Variants in SORT1 observed in about 807,000 individuals in gnomAD.
The protein encoded by SORT1 is sortilin.
In SORT1, 39 loss-of-function variants were observed where a neutral mutation model predicts 101.7. That is an observed-to-expected ratio of 0.38 (90% CI 0.30 to 0.50). The LOEUF (loss-of-function observed/expected upper bound fraction) is 0.50, where lower values mean the gene tolerates loss of function less well. Ranked by LOEUF, SORT1 falls within the 20% of genes least tolerant of loss-of-function variation. SORT1 has a pLI of 0.90. For synonymous variants in SORT1, 396 were observed against 393.7 expected (o/e 1.01, Z -0.07); for missense variants, 878 against 1,040.4 (o/e 0.84, Z 2.15).
At chr1:109,345,705 T>G in intron 8 of SORT1, 46 bp downstream of exon 8, 1 of 1,547,418 alleles carries the variant, frequency 6.5e-7, no homozygotes, top group Non-Finnish European at 8.8e-7. Flanking sequence ...ATACGAGAGA[T>G]ATTTGCAGAA....
rs563712770 is a variant in SORT1, at chr1:109,315,423, C to T, written c.2251-645G>A. Among the ~76,000 whole-genome samples the T allele has an allele frequency of 1.1e-4, 16 of 152,172 alleles. No homozygotes were observed. In the South Asian group the frequency reaches 2.9e-3, roughly 28 times the overall value. ...CTGTGCAATCACACACACGAACACT[C>T]TGAGGAGAGTCACCAGGAGCCCAGG... On this transcript the variant is annotated intron_variant, in intron 17 of 19. Coordinates refer to ENST00000256637, the MANE Select transcript of SORT1 (RefSeq NM_002959.7).
chr1:109,348,407 A>C (rs1236743987), intron 6 of SORT1, among the ~76,000 whole-genome samples: 1 of 152,114 alleles, frequency 6.6e-6, no homozygotes, highest in East Asian at 1.9e-4. Context: ...AAAAAAAAAA[A>C]CATGTTACAA....
intron 3 of SORT1, among the ~76,000 whole-genome samples, chr1:109,361,646 A>G (rs570846281): frequency 6.6e-6 from 1 of 152,366 alleles, no homozygotes; most frequent in African/African-American, 2.4e-5. Flanking sequence ...AACAAGGATG[A>G]TGGTAAACTC....
At chr1:109,344,351 G>A (rs1208627495) in intron 8 of SORT1, among the ~76,000 whole-genome samples, 1 of 152,190 alleles carries the variant, frequency 6.6e-6, no homozygotes, top group Non-Finnish European at 1.5e-5. Context: ...AACACAAGAA[G>A]AGTAAGGCCC....
chr1:109,338,906 C>G (rs995485103), intron 10 of SORT1, among the ~76,000 whole-genome samples: 1 of 151,304 alleles, frequency 6.6e-6, no homozygotes, highest in Non-Finnish European at 1.5e-5. Context: ...GAGATGCAGT[C>G]TCACTCTGTT....
At chr1:109,390,798 T>TGTGTGTGTGTGTGC (rs749556914) in intron 1 of SORT1, among the ~76,000 whole-genome samples, 19 of 144,864 alleles carry the variant, frequency 1.3e-4, no homozygotes, top group African/African-American at 4.7e-4. Context: ...TGTGTGTGTG[T>TGTGTGTGTGTGTGC]GCGCGCGCGC....
chr1:109,349,649 G>A lies in SORT1; in HGVS notation c.782+1280C>T, dbSNP rs1339385285. On this transcript the variant is annotated intron_variant, in intron 6 of 19. Coordinates refer to ENST00000256637, the MANE Select transcript of SORT1 (RefSeq NM_002959.7). ...TAGCTAGGCATGGTGGCACATGCCTGTAGTCCCAGCTACTTGGGAGGCTGA... is the reference window on the plus strand; with the variant it reads ...TAGCTAGGCATGGTGGCACATGCCTATAGTCCCAGCTACTTGGGAGGCTGA... Among the ~76,000 whole-genome samples the A allele has an allele frequency of 2.6e-5, 4 of 152,098 alleles. 1 individual carries two copies. Among genetic ancestry groups the A allele is most frequent in the East Asian group, 3.9e-4 (2 of 5,176 alleles).
At chr1:109,365,013 A>G (rs1318035544) in intron 3 of SORT1, among the ~76,000 whole-genome samples, 1 of 152,190 alleles carries the variant, frequency 6.6e-6, no homozygotes. Flanking sequence ...GCTTGGCAAC[A>G]TTTTGCTATT....
chr1:109,397,629 C>A lies in SORT1; in HGVS notation c.264G>T (p.Arg88=). The A allele has an allele frequency of 7.8e-7, 1 of 1,278,528 alleles. No homozygotes were observed. The highest frequency in any genetic ancestry group is 4.5e-5 in the East Asian group (1 of 22,106). The allele number at this position is 1,278,528 out of a possible 1,614,324, so 79.2% of individuals were successfully genotyped here. ...CCAGCTTGGCGACGAAGTCCCGGAC[C>A]CGGCCGCACTCCTCGTCCTCGCCCG... ...SAPGEDEECG[R]VRDFVAKLAN... is the part of the protein sequence containing the mutation. The change falls in exon 1 of 20, where the codon CGG becomes CGT. Residue 88 remains arginine (R), a synonymous_variant. Transcript: ENST00000256637.
chr1:109,342,214 G>A, intron 8 of SORT1, 56 bp from the exon 9 acceptor site: 1 of 1,348,118 alleles, frequency 7.4e-7, no homozygotes, highest in East Asian at 2.3e-5. Flanking sequence ...GCCATGGGCA[G>A]GGACATGAAC....
chr1:109,375,353 G>A (rs1010417855), intron 1 of SORT1, among the ~76,000 whole-genome samples: 2 of 151,940 alleles, frequency 1.3e-5, no homozygotes, highest in Non-Finnish European at 2.9e-5. Flanking sequence ...ACGAGGTCAG[G>A]AGATCAAGAC....
At chr1:109,387,037 TC>T (rs1489623641) in intron 1 of SORT1, among the ~76,000 whole-genome samples, 1 of 152,230 alleles carries the variant, frequency 6.6e-6, no homozygotes, top group African/African-American at 2.4e-5. Context: ...ATGCCTGTAA[TC>T]CCAGCACTTT....
At position 109,397,521 on chromosome 1, in the gene SORT1, G is replaced by A. The variant is rs1331966059; in HGVS notation, c.306+66C>T. 1.9e-5 allele frequency: 19 copies of A among 1,016,504 alleles called. No individual in the cohort carries two copies. In the South Asian group the frequency reaches 6.5e-4, roughly 35 times the overall value. The allele number at this position is 1,016,504 out of a possible 1,614,324, so 63.0% of individuals were successfully genotyped here. ...CTCCTCCGGGAGTCGCGGGGCGCAC[G>A]GGCCGGGAGGGGCACGCGGGCGGCA... is the stretch of plus-strand genomic sequence containing the variant. On this transcript the variant is annotated intron_variant, in intron 1 of 19. Coordinates refer to ENST00000256637, the MANE Select transcript of SORT1 (RefSeq NM_002959.7).
At position 109,365,634 on chromosome 1, in the gene SORT1, T is replaced by C. The variant is rs1011540985; in HGVS notation, c.440+1774A>G. On this transcript the variant is annotated intron_variant, in intron 3 of 19. Coordinates refer to ENST00000256637, the MANE Select transcript of SORT1 (RefSeq NM_002959.7). Reference sequence around the variant, plus strand: ...AATTTAATTAACCATCTAAAAATTATAAAGAAGCCAAGACATTCATTCATT... The same window carrying C: ...AATTTAATTAACCATCTAAAAATTACAAAGAAGCCAAGACATTCATTCATT... 6.6e-5 allele frequency among the ~76,000 whole-genome samples: 10 copies of C among 152,230 alleles called. 1 individual carries two copies. The highest frequency in any genetic ancestry group is 1.9e-4 in the African/African-American group (8 of 41,454).
Position 109,367,405 on chromosome 1 carries a change from C to T in SORT1, c.440+3G>A, listed in dbSNP as rs1434263970. On this transcript the variant is annotated splice_donor_region_variant and intron_variant, in intron 3 of 19. Transcript: ENST00000256637. ...ATGCTCCAACGCGTGTTATTGATCT[C>T]ACCTTCGATATAGCTTGGACTGTCC... 1 of 1,560,396 alleles carries T rather than the reference C, an allele frequency of 6.4e-7. No individual in the cohort carries two copies. The highest frequency in any genetic ancestry group is 8.8e-7 in the Non-Finnish European group (1 of 1,134,850).
intron 13 of SORT1, among the ~76,000 whole-genome samples, chr1:109,326,438 TATATATATATATATATATATATATATAC>T (rs1381258500): frequency 0.057 from 1,350 of 23,482 alleles, 72 homozygotes; most frequent in African/African-American, 0.15. Context: ...AATATATATA[TATATATATATATATATATATATATATAC>T]ATACACACAC....
intron 2 of SORT1, among the ~76,000 whole-genome samples, chr1:109,369,263 A>G (rs899613419): frequency 6.6e-6 from 1 of 152,192 alleles, no homozygotes; most frequent in African/African-American, 2.4e-5. Flanking sequence ...TGGAGGTTGC[A>G]GTGAGCTGAG....
rs551197518 is a variant in SORT1 at position 109,379,999 on chromosome 1, G to T, written c.307-10410C>A. On this transcript the variant is annotated intron_variant, in intron 1 of 19. Coordinates refer to ENST00000256637, the MANE Select transcript of SORT1 (RefSeq NM_002959.7). ...ATTATAAAAATACTAGAAATGGCCA[G>T]GCACAGTGGCTCACCCCTGTAATCC... Among the ~76,000 whole-genome samples, 12 of 152,270 alleles carry T rather than the reference G, an allele frequency of 7.9e-5. No individual in the cohort carries two copies. The East Asian group carries it at 2.3e-3, about 29-fold the overall frequency.
At chr1:109,370,222 T>C (rs1364594764) in intron 1 of SORT1, among the ~76,000 whole-genome samples, 2 of 152,198 alleles carry the variant, frequency 1.3e-5, no homozygotes, top group South Asian at 2.1e-4. Flanking sequence ...ATCCAAAATA[T>C]AGTAAGCATG....
Sources: allele counts gnomAD v4.1 joint callset (sites outside exome capture counted in the v4.1 genomes callset), GRCh38; gene constraint gnomAD v4.1.1; transcripts MANE v1.5; gene names NCBI Gene and HGNC (gene_info 2026-07-23, HGNC 2026-07-21).